Variants in SLC14A2 observed in about 807,000 individuals in gnomAD.
SLC14A2 encodes urea transporter 2.
SLC14A2 carries 91 observed loss-of-function variants against 104.6 expected under a neutral mutation model. The ratio of observed to expected loss-of-function variants is 0.87; its 90% CI spans 0.73 to 1.04. The LOEUF (loss-of-function observed/expected upper bound fraction) is 1.04, where lower values mean the gene tolerates loss of function less well. SLC14A2 is among the 50% of genes least tolerant of loss of function. The pLI is 0.00. For missense variants in SLC14A2, 1,189 were observed against 1,156.0 expected, an observed-to-expected ratio of 1.03 and a Z score of -0.41; for synonymous variants, 476 against 466.4, an observed-to-expected ratio of 1.02 and a Z score of -0.27.
chr18:45,634,850 A>G (rs1424769022), intron 5 of SLC14A2: 5 of 457,158 alleles, frequency 1.1e-5, no homozygotes, highest in Non-Finnish European at 4.4e-6. Context: ...CTGGAGTAAG[A>G]GTGGATGCTG....
At chr18:45,380,560 A>G (rs528512270) in intron 1 of SLC14A2, among the ~76,000 whole-genome samples, 1 of 151,472 alleles carries the variant, frequency 6.6e-6, no homozygotes, top group East Asian at 1.9e-4. Flanking sequence ...ATCTGCAACT[A>G]GTAAAAAAAG....
chr18:45,633,688 C>T (rs1414616743), intron 5 of SLC14A2, among the ~76,000 whole-genome samples: 2 of 152,180 alleles, frequency 1.3e-5, no homozygotes, highest in East Asian at 1.9e-4. Flanking sequence ...AGCAATAAAT[C>T]AGACAGGATG....
At chr18:45,484,959 C>T (rs2087571924) in intron 2 of SLC14A2, among the ~76,000 whole-genome samples, 1 of 152,192 alleles carries the variant, frequency 6.6e-6, no homozygotes, top group Admixed American at 6.5e-5. Context: ...CTTACCAACA[C>T]TACCACAATT....
chr18:45,361,713 C>T (rs1048893394), intron 1 of SLC14A2, among the ~76,000 whole-genome samples: 13 of 152,268 alleles, frequency 8.5e-5, no homozygotes, highest in Middle Eastern at 3.4e-3. Flanking sequence ...CTCTCCCTCT[C>T]GGCCAGGGCT....
chr18:45,275,411 T>G (rs2084691891), intron 1 of SLC14A2, among the ~76,000 whole-genome samples: 2 of 151,962 alleles, frequency 1.3e-5, no homozygotes, highest in Non-Finnish European at 2.9e-5. Context: ...GATGATGGAG[T>G]AGTTTTGCAA....
intron 1 of SLC14A2, among the ~76,000 whole-genome samples, chr18:45,368,412 C>T (rs1459306252): frequency 6.6e-6 from 1 of 152,164 alleles, no homozygotes; most frequent in Non-Finnish European, 1.5e-5. Flanking sequence ...CCCTTAGATC[C>T]ATTCGTAGCT....
chr18:45,439,374 A>C (rs1038413158), intron 1 of SLC14A2, among the ~76,000 whole-genome samples: 1 of 152,236 alleles, frequency 6.6e-6, no homozygotes, highest in African/African-American at 2.4e-5. Context: ...GGATTAGCTA[A>C]GGCATTTGGC....
intron 19 of SLC14A2, among the ~76,000 whole-genome samples, chr18:45,680,269 G>A (rs2046292481): frequency 6.6e-6 from 1 of 152,198 alleles, no homozygotes; most frequent in Non-Finnish European, 1.5e-5. Flanking sequence ...ATGCAAAACA[G>A]GAAGCTGCGA....
chr18:45,180,660 T>C, the SLC14A2 span, among the ~76,000 whole-genome samples: 2 of 152,154 alleles, frequency 1.3e-5, no homozygotes, highest in East Asian at 3.9e-4. Flanking sequence ...AATAAAACCA[T>C]GCTAAATCCC....
chr18:45,639,324 T>C (rs2045477866), intron 6 of SLC14A2, among the ~76,000 whole-genome samples: 1 of 152,150 alleles, frequency 6.6e-6, no homozygotes, highest in Non-Finnish European at 1.5e-5. Flanking sequence ...TGGGTGACTT[T>C]TAGTCAAATC....
At chr18:45,597,504 T>C (rs879443232) in intron 2 of SLC14A2, among the ~76,000 whole-genome samples, 3 of 152,144 alleles carry the variant, frequency 2.0e-5, no homozygotes, top group Non-Finnish European at 4.4e-5. Flanking sequence ...TAGTGGTGAG[T>C]GTTTTGGGGA....
At chr18:45,535,439 G>A (rs372608657) in intron 2 of SLC14A2, among the ~76,000 whole-genome samples, 87 of 152,268 alleles carry the variant, frequency 5.7e-4, no homozygotes, top group African/African-American at 2.0e-3. Context: ...CACAGTCTCC[G>A]TTACTCCGTA....
chr18:45,611,186 C>T (rs1034727519), upstream of SLC14A2, among the ~76,000 whole-genome samples: 3 of 152,150 alleles, frequency 2.0e-5, no homozygotes, highest in Non-Finnish European at 4.4e-5. Context: ...TTATCCTTTT[C>T]CCCACCAGGA....
At chr18:45,578,315 T>C (rs553443624) in intron 2 of SLC14A2, among the ~76,000 whole-genome samples, 1 of 152,248 alleles carries the variant, frequency 6.6e-6, no homozygotes, top group African/African-American at 2.4e-5. Flanking sequence ...TCATAATTGT[T>C]GACTTGTTTT....
chr18:45,502,999 A>T (rs1302767040), intron 2 of SLC14A2, among the ~76,000 whole-genome samples: 1 of 151,980 alleles, frequency 6.6e-6, no homozygotes, highest in Non-Finnish European at 1.5e-5. Flanking sequence ...TTATCACAAG[A>T]AGAAGGCATC....
intron 1 of SLC14A2, among the ~76,000 whole-genome samples, chr18:45,245,444 T>A (rs139524639): frequency 6.6e-6 from 1 of 152,200 alleles, no homozygotes; most frequent in Non-Finnish European, 1.5e-5. Flanking sequence ...TCAGACCCCA[T>A]AATTATCTGA....
intron 1 of SLC14A2, among the ~76,000 whole-genome samples, chr18:45,456,460 C>A (rs2086945312): frequency 6.6e-6 from 1 of 152,238 alleles, no homozygotes; most frequent in South Asian, 2.1e-4. Context: ...CAGCCTTACA[C>A]CTCTGTTCCT....
At chr18:45,229,433 T>TGTTTA (rs1555665447) in intron 1 of SLC14A2, among the ~76,000 whole-genome samples, 10 of 150,930 alleles carry the variant, frequency 6.6e-5, no homozygotes, top group African/African-American at 2.4e-4. Flanking sequence ...TTTGTTTGTT[T>TGTTTA]AAAAAAAAAG....
chr18:45,287,662 C>T (rs555691484), intron 1 of SLC14A2, among the ~76,000 whole-genome samples: 1 of 152,352 alleles, frequency 6.6e-6, no homozygotes, highest in African/African-American at 2.4e-5. Flanking sequence ...TCTGCCCCAT[C>T]CTCCTGCCTG....
Sources: gnomAD v4.1 joint callset for allele counts (sites outside exome capture counted in the v4.1 genomes callset) on GRCh38, gnomAD v4.1.1 for gene constraint, MANE v1.5 for transcripts, NCBI Gene and HGNC (gene_info 2026-07-23, HGNC 2026-07-21) for gene names.